The following LYPD6 variants were observed in gnomAD, a reference collection of about 807,000 sequenced individuals.
The protein encoded by LYPD6 is ly6/PLAUR domain-containing protein 6.
A neutral mutation model predicts 22.7 loss-of-function variants in LYPD6; 15 were observed. The observed-to-expected ratio is 0.66, with a 90% CI of 0.44 to 1.02. The LOEUF is 1.02. Among genes scored for constraint, LYPD6 ranks in the 50% least tolerant of loss-of-function variants. LYPD6 has a pLI of 0.00. For missense variants in LYPD6, 189 were observed against 208.4 expected (o/e 0.91, Z 0.57); for synonymous variants, 72 against 77.5 (o/e 0.93, Z 0.37).
At chr2:149,337,592 A>G (rs2105045711) in intron 1 of LYPD6, among the ~76,000 whole-genome samples, 1 of 152,116 alleles carries the variant, frequency 6.6e-6, no homozygotes, top group South Asian at 2.1e-4. Flanking sequence ...CCCACTGTGG[A>G]CACCAGTGTA....
downstream of LYPD6, among the ~76,000 whole-genome samples, chr2:149,477,622 C>CAAAAAA (rs35507967): frequency 1.6e-5 from 1 of 62,910 alleles, no homozygotes; most frequent in Non-Finnish European, 2.7e-5. Context: ...AACTGTGTCT[C>CAAAAAA]AAAAAAAAAA....
intron 1 of LYPD6, among the ~76,000 whole-genome samples, chr2:149,403,369 T>C (rs2105111637): frequency 6.6e-6 from 1 of 150,780 alleles, no homozygotes; most frequent in African/African-American, 2.5e-5. Flanking sequence ...TGTTCCTATT[T>C]CTCCACATCC....
intron 3 of LYPD6, among the ~76,000 whole-genome samples, chr2:149,468,132 A>AACACACACACACACACACACAC: frequency 8.7e-6 from 1 of 114,716 alleles, no homozygotes; most frequent in Admixed American, 8.5e-5. Flanking sequence ...GCTTCCCCCC[A>AACACACACACACACACACACAC]ACACACACAC....
In LYPD6 at chr2:149,471,475, A is replaced by G. The variant is rs1470781550; in HGVS notation, c.*625A>G. 2.0e-5 allele frequency: 3 copies of G among 152,206 alleles called. No individual in the cohort carries two copies. The highest frequency in any genetic ancestry group is 2.9e-5 in the Non-Finnish European group (2 of 68,036). The allele number at this position is 152,206 out of a possible 1,614,324, so 9.4% of individuals were successfully genotyped here. On this transcript the variant is annotated 3_prime_UTR_variant, in exon 5 of 5. Coordinates refer to ENST00000334166, the MANE Select transcript of LYPD6 (RefSeq NM_194317.5). ...GTGCAGAAGACAAAAAGGCAATCATAAAAGTTTGTTATATTTGTGGGGGTG... is the reference window on the plus strand; with the variant it reads ...GTGCAGAAGACAAAAAGGCAATCATGAAAGTTTGTTATATTTGTGGGGGTG...
intron 1 of LYPD6, among the ~76,000 whole-genome samples, chr2:149,424,641 A>G (rs1233311019): frequency 6.6e-6 from 1 of 152,018 alleles, no homozygotes; most frequent in Admixed American, 6.6e-5. Flanking sequence ...AGGCTTTCTA[A>G]AGGAAGTGAA....
chr2:149,469,689 C>T (rs777185388), intron 4 of LYPD6, among the ~76,000 whole-genome samples: 14 of 152,074 alleles, frequency 9.2e-5, no homozygotes, highest in South Asian at 6.2e-4. Flanking sequence ...TTTCCCTGAC[C>T]TCTCCAGCAA....
At chr2:149,479,873 T>G in the LYPD6 span, among the ~76,000 whole-genome samples, 1 of 152,144 alleles carries the variant, frequency 6.6e-6, no homozygotes, top group Admixed American at 6.5e-5. Flanking sequence ...AATTTCACAT[T>G]GTTCATGGGG....
At chr2:149,404,751 C>A (rs1682655472) in intron 1 of LYPD6, among the ~76,000 whole-genome samples, 1 of 152,138 alleles carries the variant, frequency 6.6e-6, no homozygotes, top group Admixed American at 6.5e-5. Flanking sequence ...ATTTCCCTGG[C>A]CAGAACTTCC....
chr2:149,441,886 G>A (rs1683575510), intron 2 of LYPD6, among the ~76,000 whole-genome samples: 1 of 152,092 alleles, frequency 6.6e-6, no homozygotes, highest in South Asian at 2.1e-4. Context: ...ATTTTCCTCT[G>A]GTTGCATGTT....
At chr2:149,418,331 C>T (rs761433367) in intron 1 of LYPD6, among the ~76,000 whole-genome samples, 9 of 152,114 alleles carry the variant, frequency 5.9e-5, no homozygotes, top group Admixed American at 1.3e-4. Context: ...TCCCTCATGT[C>T]TAGGAGTTTA....
chr2:149,419,947 C>T lies in LYPD6; in HGVS notation c.-71-17691C>T, dbSNP rs1352633697. On this transcript the variant is annotated intron_variant, in intron 1 of 4. Coordinates refer to ENST00000334166, the MANE Select transcript of LYPD6 (RefSeq NM_194317.5). ...TTGATATTGGAACTATGTTATTCTA[C>T]GTTACAGAGTGAAATCAGAATGAAT... Among the ~76,000 whole-genome samples, 5 of 152,102 alleles carry T rather than the reference C, an allele frequency of 3.3e-5. 1 individual carries two copies. Among genetic ancestry groups the T allele is most frequent in the Admixed American group, 1.3e-4 (2 of 15,262 alleles).
At chr2:149,435,125 A>G (rs1031498353) in intron 1 of LYPD6, among the ~76,000 whole-genome samples, 1 of 152,204 alleles carries the variant, frequency 6.6e-6, no homozygotes, top group African/African-American at 2.4e-5. Flanking sequence ...CACCAGGACT[A>G]TGCATGTAGG....
At chr2:149,409,176 C>G (rs1280115356) in intron 1 of LYPD6, among the ~76,000 whole-genome samples, 1 of 152,120 alleles carries the variant, frequency 6.6e-6, no homozygotes, top group Non-Finnish European at 1.5e-5. Flanking sequence ...TGTTTTTTCT[C>G]TTCTTGGTCT....
intron 1 of LYPD6, among the ~76,000 whole-genome samples, chr2:149,434,642 G>A (rs1449242681): frequency 2.0e-5 from 3 of 152,088 alleles, no homozygotes; most frequent in African/African-American, 7.2e-5. Context: ...AGGGAGTGGA[G>A]GGCAAGAGGC....
chr2:149,437,797 T>A lies in LYPD6; in HGVS notation c.89T>A (p.Val30Glu), dbSNP rs531924712. 3 of 1,614,170 alleles carry A rather than the reference T, an allele frequency of 1.9e-6. No individual in the cohort carries two copies. The highest frequency in any genetic ancestry group is 3.3e-5 in the Admixed American group (2 of 60,018). ...GCTGCTCAGTCCCGAGACTTCACAGTGAAAGACATTATCTACCTCCATCCT... is the reference window on the plus strand; with the variant it reads ...GCTGCTCAGTCCCGAGACTTCACAGAGAAAGACATTATCTACCTCCATCCT... Reference protein sequence around the residue: ...LKAAQSRDFTVKDIIYLHPST... With the variant: ...LKAAQSRDFTEKDIIYLHPST... Residue 30 changes from valine to glutamate, a missense_variant, in exon 2 of 5, where the codon GTG becomes GAG. Coordinates refer to ENST00000334166, the MANE Select transcript of LYPD6 (RefSeq NM_194317.5).
chr2:149,483,686 G>A, the LYPD6 span, among the ~76,000 whole-genome samples: 8 of 152,186 alleles, frequency 5.3e-5, no homozygotes, highest in Admixed American at 1.3e-4. Flanking sequence ...GATATGGTAA[G>A]CAGCTCGACT....
intron 1 of LYPD6, among the ~76,000 whole-genome samples, chr2:149,363,760 C>T (rs1405417379): frequency 2.0e-5 from 3 of 152,124 alleles, no homozygotes; most frequent in African/African-American, 7.2e-5. Flanking sequence ...TACACATATG[C>T]TATTTATAAG....
intron 1 of LYPD6, among the ~76,000 whole-genome samples, chr2:149,429,183 A>G (rs1234673989): frequency 6.6e-6 from 1 of 152,192 alleles, no homozygotes; most frequent in Non-Finnish European, 1.5e-5. Context: ...AGCCCTGGGC[A>G]AGTGGAATGG....
chr2:149,373,436 T>C (rs1267921097), intron 1 of LYPD6, among the ~76,000 whole-genome samples: 1 of 151,596 alleles, frequency 6.6e-6, no homozygotes, highest in Non-Finnish European at 1.5e-5. Flanking sequence ...AGGAAAGGGG[T>C]TCCAGGACTG....
Sources: gnomAD v4.1 joint callset for allele counts (sites outside exome capture counted in the v4.1 genomes callset) on GRCh38, gnomAD v4.1.1 for gene constraint, MANE v1.5 for transcripts, NCBI Gene and HGNC (gene_info 2026-07-23, HGNC 2026-07-21) for gene names.